The following INPP5B variants were observed in gnomAD, a reference collection of about 807,000 sequenced individuals.
INPP5B encodes the protein type II inositol 1,4,5-trisphosphate 5-phosphatase.
Under a neutral mutation model 118.5 loss-of-function variants are expected in INPP5B, and 90 were observed. The observed-to-expected ratio is 0.76, with a 90% CI of 0.64 to 0.90. The LOEUF is 0.90. INPP5B is among the 40% of genes least tolerant of loss of function. INPP5B has a pLI of 0.00. For missense variants in INPP5B, 984 were observed against 1,125.6 expected (o/e 0.87, Z 1.80); for synonymous variants, 385 against 418.9 (o/e 0.92, Z 0.99).
intron 5 of INPP5B, among the ~76,000 whole-genome samples, chr1:37,943,249 C>T (rs534361399): frequency 6.6e-6 from 1 of 152,110 alleles, no homozygotes; most frequent in Non-Finnish European, 1.5e-5. Context: ...CTTGGCCCCC[C>T]CAAAGTGCTG....
intron 7 of INPP5B, among the ~76,000 whole-genome samples, chr1:37,905,219 G>A (rs1297333777): frequency 6.6e-6 from 1 of 152,088 alleles, no homozygotes; most frequent in African/African-American, 2.4e-5. Flanking sequence ...TGGCCAACAT[G>A]GTGAAACCCC....
At chr1:37,866,057 G>A in intron 21 of INPP5B, 169 bp from the exon 22 acceptor site, 2 of 694,408 alleles carry the variant, frequency 2.9e-6, no homozygotes, top group Non-Finnish European at 1.8e-6. Flanking sequence ...AGGTGAGCCA[G>A]GCCCTCCTGA....
chr1:37,943,567 T>G (rs1646012214), intron 5 of INPP5B, 73 bp downstream of exon 5: 10 of 1,537,104 alleles, frequency 6.5e-6, no homozygotes, highest in Non-Finnish European at 8.9e-6. Context: ...GCTCTTACTT[T>G]ACACCATTCT....
At chr1:37,913,971 T>G (rs1644785824) in intron 7 of INPP5B, among the ~76,000 whole-genome samples, 1 of 151,800 alleles carries the variant, frequency 6.6e-6, no homozygotes, top group Admixed American at 6.6e-5. Flanking sequence ...CCCCCCCACT[T>G]AAGAAGGTGC....
intron 7 of INPP5B, among the ~76,000 whole-genome samples, chr1:37,905,019 A>G (rs1204783873): frequency 1.3e-5 from 2 of 152,240 alleles, no homozygotes; most frequent in Non-Finnish European, 2.9e-5. Context: ...TGCAAAGTGA[A>G]GTTTGGCTTA....
intron 7 of INPP5B, among the ~76,000 whole-genome samples, chr1:37,896,692 T>A (rs1256444575): frequency 2.6e-5 from 3 of 114,952 alleles, no homozygotes; most frequent in African/African-American, 1.0e-4. Flanking sequence ...GGAGCCCCTC[T>A]GCCCGGCCAG....
At chr1:37,866,382 A>G in intron 21 of INPP5B, 77 bp downstream of exon 21, 1 of 635,382 alleles carries the variant, frequency 1.6e-6, no homozygotes, top group Non-Finnish European at 2.8e-6. Context: ...CCTCTCACTC[A>G]TATTCTCTCT....
intron 7 of INPP5B, among the ~76,000 whole-genome samples, chr1:37,896,257 TGAG>T (rs1233085529): frequency 7.1e-6 from 1 of 141,362 alleles, no homozygotes; most frequent in African/African-American, 2.7e-5. Context: ...GTCTGAGAAG[TGAG>T]GAGCCCCTCC....
At chr1:37,931,669 G>T in intron 7 of INPP5B, 6 of 1,535,048 alleles carry the variant, frequency 3.9e-6, no homozygotes, top group Non-Finnish European at 4.4e-6. Flanking sequence ...GCCGCCCGCC[G>T]AACCTGCAGT....
chr1:37,872,448 T>C (rs184049163), intron 19 of INPP5B, among the ~76,000 whole-genome samples: 46 of 149,296 alleles, frequency 3.1e-4, no homozygotes, highest in Admixed American at 1.7e-3. Flanking sequence ...GCTCTACCAA[T>C]AAAACATGGC....
Position 37,875,599 on chromosome 1 carries a change from T to G in INPP5B, c.1788+7A>C, listed in dbSNP as rs1315656282. On this transcript the variant is annotated splice_region_variant and intron_variant, in intron 17 of 23. Coordinates refer to ENST00000373024, the MANE Select transcript of INPP5B (RefSeq NM_005540.3). ...CAATGCTAATATTCTTAACATGTCCTTCCTACCTCTCGCTTGGACAGGGAC... is the reference window on the plus strand; with the variant it reads ...CAATGCTAATATTCTTAACATGTCCGTCCTACCTCTCGCTTGGACAGGGAC... 6.2e-7 allele frequency: 1 copy of G among 1,606,046 alleles called. No homozygotes were observed. Among genetic ancestry groups the G allele is most frequent in the Non-Finnish European group, 8.5e-7 (1 of 1,172,762 alleles).
intron 7 of INPP5B, among the ~76,000 whole-genome samples, chr1:37,924,994 T>C (rs1480505858): frequency 6.6e-6 from 1 of 152,140 alleles, no homozygotes; most frequent in Non-Finnish European, 1.5e-5. Context: ...GCCAACATGT[T>C]GAAACCCCGT....
At chr1:37,931,604 A>C (rs1420701591) in intron 7 of INPP5B, 3 of 1,535,652 alleles carry the variant, frequency 2.0e-6, no homozygotes, top group Admixed American at 3.9e-5. Context: ...GACCCTGCCC[A>C]CCCGAGGGCC....
At chr1:37,933,998 A>G (rs1314147059) in intron 6 of INPP5B, among the ~76,000 whole-genome samples, 1 of 151,318 alleles carries the variant, frequency 6.6e-6, no homozygotes, top group Non-Finnish European at 1.5e-5. Flanking sequence ...CAGTAACGTG[A>G]TCTCTGCTTA....
chr1:37,932,341 T>C (rs1374776484), intron 6 of INPP5B, among the ~76,000 whole-genome samples: 1 of 151,596 alleles, frequency 6.6e-6, no homozygotes, highest in African/African-American at 2.4e-5. Flanking sequence ...AGGAAACTAT[T>C]ATCCCAATTT....
At chr1:37,896,981 T>TC (rs1553156413) in intron 7 of INPP5B, among the ~76,000 whole-genome samples, 5 of 90,130 alleles carry the variant, frequency 5.5e-5, no homozygotes, top group African/African-American at 1.1e-4. Context: ...GGGAGGGAGG[T>TC]GGGGGGGTCA....
chr1:37,901,860 C>T (rs186829629), intron 7 of INPP5B, among the ~76,000 whole-genome samples: 4 of 152,264 alleles, frequency 2.6e-5, no homozygotes, highest in African/African-American at 9.6e-5. Flanking sequence ...TCTCCTGCTT[C>T]CCTACTCCCA....
chr1:37,927,730 G>C (rs562786912), intron 7 of INPP5B, among the ~76,000 whole-genome samples: 1 of 151,724 alleles, frequency 6.6e-6, no homozygotes, highest in Non-Finnish European at 1.5e-5. Context: ...GTAGAGACGG[G>C]GTTTCACCAT....
intron 2 of INPP5B, 24 bp from the exon 3 acceptor site, chr1:37,945,874 A>G: frequency 6.2e-7 from 1 of 1,611,454 alleles, no homozygotes; most frequent in African/African-American, 1.3e-5. Flanking sequence ...TCAAGGGAAG[A>G]CAACCCAGAG....
Sources: allele counts gnomAD v4.1 joint callset (sites outside exome capture counted in the v4.1 genomes callset), GRCh38; gene constraint gnomAD v4.1.1; transcripts MANE v1.5; gene names NCBI Gene and HGNC (gene_info 2026-07-23, HGNC 2026-07-21).